The following FHIT variants were observed in gnomAD, a reference collection of about 807,000 sequenced individuals.
FHIT encodes bis(5'-adenosyl)-triphosphatase.
In FHIT, 19 loss-of-function variants were observed where a neutral mutation model predicts 17.9. The observed-to-expected ratio is 1.06, with a 90% CI of 0.74 to 1.56. FHIT has a LOEUF of 1.56. Among genes scored for constraint, FHIT ranks in the 40% most tolerant of loss-of-function variants. The probability of loss-of-function intolerance (pLI) is 0.00; values close to 1 mark genes in which losing one functional copy is unlikely to be tolerated. For synonymous variants in FHIT, 81 were observed against 69.7 expected (o/e 1.16, Z -0.81); for missense variants, 248 against 189.2 (o/e 1.31, Z -1.82).
intron 5 of FHIT, among the ~76,000 whole-genome samples, chr3:60,205,599 G>A (rs901107585): frequency 6.6e-6 from 1 of 152,154 alleles, no homozygotes; most frequent in Non-Finnish European, 1.5e-5. Flanking sequence ...GAGCACTCCA[G>A]GAAGAGGGAG....
At chr3:60,527,175 G>C (rs1432355405) in intron 5 of FHIT, among the ~76,000 whole-genome samples, 1 of 152,196 alleles carries the variant, frequency 6.6e-6, no homozygotes, top group African/African-American at 2.4e-5. Flanking sequence ...CTGCAGATAT[G>C]ACTCCCTGAG....
At chr3:61,133,712 C>T (rs72877901) in intron 2 of FHIT, among the ~76,000 whole-genome samples, 19,367 of 152,014 alleles carry the variant, frequency 0.13, 1,231 homozygotes, top group South Asian at 0.2. Context: ...AGAATCCAAG[C>T]AAACTAAATA....
At position 59,748,781 on chromosome 3, in the gene FHIT, C is replaced by A. The variant is rs559497816; in HGVS notation, c.*804G>T. Among the ~76,000 whole-genome samples the A allele has an allele frequency of 2.0e-4, 31 of 152,160 alleles. No homozygotes were observed. The highest frequency in any genetic ancestry group is 7.2e-4 in the African/African-American group (30 of 41,536). ...TCTGAGCTTTGCCACTTACCGTTGG[C>A]CTTGAACTAATAATACTTAACATCC... On this transcript the variant is annotated 3_prime_UTR_variant, in exon 10 of 10. Coordinates refer to ENST00000492590, the MANE Select transcript of FHIT (RefSeq NM_002012.4).
chr3:59,792,953 C>G (rs982869846), intron 8 of FHIT, among the ~76,000 whole-genome samples: 3 of 151,736 alleles, frequency 2.0e-5, no homozygotes, highest in African/African-American at 7.3e-5. Flanking sequence ...AATAGCACCT[C>G]ACAGGTTCCA....
At chr3:61,196,954 G>T (rs960678198) in intron 2 of FHIT, among the ~76,000 whole-genome samples, 17 of 152,182 alleles carry the variant, frequency 1.1e-4, no homozygotes, top group African/African-American at 4.1e-4. Context: ...GGAGCCCAGA[G>T]AATGCCTGCG....
chr3:59,795,719 C>T (rs1699751136), intron 8 of FHIT, among the ~76,000 whole-genome samples: 1 of 152,012 alleles, frequency 6.6e-6, no homozygotes, highest in Non-Finnish European at 1.5e-5. Flanking sequence ...AGAGCAAAAC[C>T]CGGTCTCAAA....
intron 5 of FHIT, among the ~76,000 whole-genome samples, chr3:60,169,693 T>A (rs551659316): frequency 6.6e-6 from 1 of 152,264 alleles, no homozygotes; most frequent in East Asian, 1.9e-4. Context: ...TTCTTCCACA[T>A]CTTCAGGAGA....
At chr3:61,221,694 T>G (rs578236046) in intron 1 of FHIT, among the ~76,000 whole-genome samples, 2 of 152,304 alleles carry the variant, frequency 1.3e-5, no homozygotes, top group Non-Finnish European at 2.9e-5. Context: ...GCCACCACTG[T>G]TACTGCTGCC....
chr3:61,065,239 A>C (rs1357340385), intron 2 of FHIT, among the ~76,000 whole-genome samples: 1 of 150,796 alleles, frequency 6.6e-6, no homozygotes, highest in Non-Finnish European at 1.5e-5. Context: ...ATAATGTCTC[A>C]AGGGGCTTCT....
chr3:60,753,027 T>C (rs193201226), intron 4 of FHIT, among the ~76,000 whole-genome samples: 13 of 152,306 alleles, frequency 8.5e-5, no homozygotes, highest in Admixed American at 3.9e-4. Context: ...ACTTAACCCA[T>C]CTGGAACTAG....
chr3:60,869,213 TG>T (rs1704294147), intron 3 of FHIT, among the ~76,000 whole-genome samples: 1 of 152,188 alleles, frequency 6.6e-6, no homozygotes, highest in Admixed American at 6.6e-5. Flanking sequence ...TTCTAATTTT[TG>T]AGGACAATTA....
At chr3:60,831,320 C>A (rs1347505384) in intron 3 of FHIT, among the ~76,000 whole-genome samples, 1 of 152,142 alleles carries the variant, frequency 6.6e-6, no homozygotes, top group Non-Finnish European at 1.5e-5. Context: ...GGTTCTCAAC[C>A]TTATACTCTG....
intron 5 of FHIT, among the ~76,000 whole-genome samples, chr3:60,370,412 G>A (rs930867921): frequency 7.2e-5 from 11 of 151,992 alleles, no homozygotes; most frequent in South Asian, 4.2e-4. Context: ...TCCTCCCAGG[G>A]CTTTCACTAG....
rs1183055512 is a variant in FHIT at position 60,195,576 on chromosome 3, T to G, written c.104-181424A>C. ...ATATATATATTTATATTTATATAAT[T>G]ATATTTATATTTATATATAATTATA... On this transcript the variant is annotated intron_variant, in intron 5 of 9. Transcript: ENST00000492590. 6.8e-5 allele frequency among the ~76,000 whole-genome samples: 7 copies of G among 103,386 alleles called. No individual in the cohort carries two copies. In the Admixed American group the frequency reaches 7.4e-4, roughly 11 times the overall value. 67.8% of individuals were successfully genotyped at this position (103,386 alleles called of 152,430 possible).
At position 60,452,412 on chromosome 3, in the gene FHIT, T is replaced by C. The variant is rs183189094; in HGVS notation, c.103+84448A>G. Among the ~76,000 whole-genome samples, 264 of 152,252 alleles carry C rather than the reference T, an allele frequency of 1.7e-3. 1 individual carries two copies. The highest frequency in any genetic ancestry group is 5.9e-3 in the African/African-American group (247 of 41,548). ...TACTGTGTACCCAAGATGACTAAAT[T>C]ATTGGAAAGTAAGTGGTAACATAGT... On this transcript the variant is annotated intron_variant, in intron 5 of 9. Coordinates refer to ENST00000492590, the MANE Select transcript of FHIT (RefSeq NM_002012.4).
intron 5 of FHIT, among the ~76,000 whole-genome samples, chr3:60,176,566 G>C (rs1009514677): frequency 1.3e-5 from 2 of 152,172 alleles, no homozygotes; most frequent in Admixed American, 1.3e-4. Flanking sequence ...CCTGGCAACT[G>C]CCATATGGAA....
intron 3 of FHIT, among the ~76,000 whole-genome samples, chr3:60,873,465 T>C (rs9828263): frequency 1.3e-5 from 2 of 152,208 alleles, no homozygotes; most frequent in South Asian, 4.1e-4. Flanking sequence ...CTTCAACAGG[T>C]TCCTTTGTTG....
intron 8 of FHIT, among the ~76,000 whole-genome samples, chr3:59,821,769 A>G (rs1353280771): frequency 6.6e-6 from 1 of 152,118 alleles, no homozygotes; most frequent in Non-Finnish European, 1.5e-5. Flanking sequence ...AAAAATATAT[A>G]AATGATCTGC....
At chr3:59,765,037 C>T (rs1313193220) in intron 8 of FHIT, among the ~76,000 whole-genome samples, 2 of 152,122 alleles carry the variant, frequency 1.3e-5, no homozygotes, top group African/African-American at 2.4e-5. Flanking sequence ...CCTAACCTTC[C>T]AATTATTTAT....
Sources: gnomAD v4.1 joint callset for allele counts (sites outside exome capture counted in the v4.1 genomes callset) on GRCh38, gnomAD v4.1.1 for gene constraint, MANE v1.5 for transcripts, NCBI Gene and HGNC (gene_info 2026-07-23, HGNC 2026-07-21) for gene names.